ZNF320: variants seen among roughly 807,000 people sequenced by gnomAD.
ZNF320 encodes the protein zinc finger protein 320, also known as zinc finger gene 320.
A neutral mutation model predicts 6.8 loss-of-function variants in ZNF320; 2 were observed. That is an observed-to-expected ratio of 0.29 (90% CI 0.12 to 0.93). The LOEUF is 0.93. Among genes scored for constraint, ZNF320 ranks in the 40% least tolerant of loss-of-function variants. The pLI is 0.55. For synonymous variants in ZNF320, 208 were observed against 203.2 expected (o/e 1.02, Z -0.20); for missense variants, 472 against 611.0 (o/e 0.77, Z 2.40).
Position 52,880,623 on chromosome 19 carries a change from C to G in ZNF320, c.1503G>C (p.Glu501Asp), listed in dbSNP as rs764040180. The G allele has an allele frequency of 1.1e-5, 17 of 1,611,240 alleles. No homozygotes were observed. The highest frequency in any genetic ancestry group is 1.4e-5 in the Non-Finnish European group (16 of 1,178,696). The change falls in exon 6 of 6, where the codon GAG (glutamate) becomes GAC (aspartate). Residue 501 changes from glutamate to aspartate, a missense_variant. Around this residue, in one of 2 missense-constraint regions of ZNF320, gnomAD observed 462 missense variants for 559.7 expected, o/e 0.83. Transcript: ENST00000682928. ...AATTAATGCTTGATGGTTTGCTATA[C>G]TCATTGCACTTGAAACAATTGTCTC... ...PFGDNCFKCN[E>D]YSKPSSIN
chr19:52,896,227 G>C (rs1248711334), intron 1 of ZNF320, among the ~76,000 whole-genome samples: 4 of 151,994 alleles, frequency 2.6e-5, no homozygotes, highest in Admixed American at 2.6e-4. Context: ...GAGTAGCTGG[G>C]ATTACAGGCG....
intron 2 of ZNF320, among the ~76,000 whole-genome samples, chr19:52,892,911 T>C (rs2064352269): frequency 7.2e-6 from 1 of 139,682 alleles, no homozygotes; most frequent in Admixed American, 7.0e-5. Context: ...CCCTCTTTGC[T>C]GTCCCTCTCC....
chr19:52,860,037 A>C (rs11084199), downstream of ZNF320, among the ~76,000 whole-genome samples: 469 of 151,248 alleles, frequency 3.1e-3, 3 homozygotes, highest in African/African-American at 0.011. Flanking sequence ...CTCAGCCTCC[A>C]GAGTAGCTGG....
exon 6 of ZNF320, chr19:52,861,874 C>A: frequency 2.6e-6 from 1 of 384,878 alleles, no homozygotes; most frequent in South Asian, 2.2e-5. Context: ...TCTCTGATGC[C>A]TAATGACTTG....
intron 5 of ZNF320, among the ~76,000 whole-genome samples, chr19:52,866,882 A>G (rs913817014): frequency 2.0e-5 from 3 of 151,712 alleles, no homozygotes; most frequent in Non-Finnish European, 2.9e-5. Flanking sequence ...AAAAAAAAAA[A>G]AAAAAAAAGA....
chr19:52,887,239 T>C (rs573026057), intron 5 of ZNF320, among the ~76,000 whole-genome samples: 12 of 152,138 alleles, frequency 7.9e-5, no homozygotes, highest in African/African-American at 2.7e-4. Flanking sequence ...TTCCCACCCA[T>C]CTGGAGTTTT....
chr19:52,901,983 G>C (rs906389946), upstream of ZNF320, among the ~76,000 whole-genome samples: 2 of 150,380 alleles, frequency 1.3e-5, no homozygotes, highest in Non-Finnish European at 3.0e-5. Context: ...CAGGGCTGGG[G>C]CTGACATGAG....
chr19:52,867,181 A>T (rs201096840), intron 5 of ZNF320, among the ~76,000 whole-genome samples: 13,394 of 151,352 alleles, frequency 0.088, 624 homozygotes, highest in African/African-American at 0.12. Flanking sequence ...TTAATTAATT[A>T]ATTAATTAAT....
At position 52,891,290 on chromosome 19, in the gene ZNF320, T is replaced by A. The variant is rs1600649681; in HGVS notation, c.-135A>T. ...ATCACTTGAACCCAGGAGACAGAGG[T>A]TGCAGTGAGCCAAGATCAGGAGACT... On this transcript the variant is annotated 5_prime_UTR_variant, in exon 3 of 6. Coordinates refer to ENST00000682928, the MANE Select transcript of ZNF320 (RefSeq NM_001351774.2). 6.6e-6 allele frequency: 1 copy of A among 151,804 alleles called. No homozygotes were observed. 9.4% of individuals were successfully genotyped at this position (151,804 alleles called of 1,614,324 possible). A position where few individuals can be genotyped will look rare whatever the true frequency, so the allele number is the denominator to read the frequency against.
intron 5 of ZNF320, among the ~76,000 whole-genome samples, chr19:52,868,652 T>A (rs1052689064): frequency 6.6e-6 from 1 of 151,814 alleles, no homozygotes; most frequent in Non-Finnish European, 1.5e-5. Context: ...GCCTGAAGGA[T>A]CCCACGACAT....
intron 1 of ZNF320, chr19:52,894,950 G>C (rs2064426533): frequency 6.6e-6 from 1 of 152,228 alleles, no homozygotes; most frequent in African/African-American, 2.4e-5. Context: ...GTAGTCATAA[G>C]CTGTAAGCAA....
chr19:52,866,869 C>CCAAAAAAAA (rs2063583096), intron 5 of ZNF320, among the ~76,000 whole-genome samples: 1 of 108,890 alleles, frequency 9.2e-6, no homozygotes, highest in Non-Finnish European at 1.9e-5. Context: ...ACAAAACATA[C>CCAAAAAAAA]AAAAAAAAAA....
intron 5 of ZNF320, among the ~76,000 whole-genome samples, chr19:52,883,381 G>A (rs1241881089): frequency 1.3e-5 from 2 of 152,064 alleles, no homozygotes; most frequent in African/African-American, 4.8e-5. Context: ...CATTAACGAA[G>A]GGAGTGTGTC....
downstream of ZNF320, among the ~76,000 whole-genome samples, chr19:52,872,252 G>T (rs1476346386): frequency 6.6e-6 from 1 of 152,184 alleles, no homozygotes; most frequent in Non-Finnish European, 1.5e-5. Context: ...CATTACAAAA[G>T]CAGACACAAA....
chr19:52,886,520 A>C (rs555592536), intron 5 of ZNF320, among the ~76,000 whole-genome samples: 1 of 152,308 alleles, frequency 6.6e-6, no homozygotes, highest in African/African-American at 2.4e-5. Flanking sequence ...CCATATATCA[A>C]TACAACGCAC....
downstream of ZNF320, among the ~76,000 whole-genome samples, chr19:52,875,423 CAG>C (rs1362075077): frequency 3.9e-5 from 6 of 152,128 alleles, no homozygotes; most frequent in Non-Finnish European, 8.8e-5. Flanking sequence ...TGGGTGTGGA[CAG>C]AGACAAGAAT....
At chr19:52,875,773 C>T (rs1388683493), downstream of ZNF320, among the ~76,000 whole-genome samples, 2 of 150,268 alleles carry the variant, frequency 1.3e-5, no homozygotes, top group Non-Finnish European at 1.5e-5. Flanking sequence ...GAGTGACACT[C>T]CATCTCAAAA....
intron 5 of ZNF320, among the ~76,000 whole-genome samples, chr19:52,882,722 C>T (rs2063960405): frequency 6.6e-6 from 1 of 152,166 alleles, no homozygotes; most frequent in South Asian, 2.1e-4. Flanking sequence ...GCAGGCACAT[C>T]GCCTCAGGTT....
intron 5 of ZNF320, chr19:52,865,456 T>C (rs2063528514): frequency 9.6e-6 from 1 of 104,082 alleles, no homozygotes; most frequent in East Asian, 2.2e-4. Context: ...ATATATGTAA[T>C]ACATATATAT....
Sources: gnomAD v4.1 joint callset for allele counts (sites outside exome capture counted in the v4.1 genomes callset) on GRCh38, gnomAD v4.1.1 for gene constraint, gnomAD v4.1.1 regional missense constraint, MANE v1.5 for transcripts, NCBI Gene and HGNC (gene_info 2026-07-23, HGNC 2026-07-21) for gene names.